The following ASIC2 variants were observed in gnomAD, a reference collection of about 807,000 sequenced individuals.
ASIC2 encodes the protein acid-sensing ion channel 2.
A neutral mutation model predicts 57.3 loss-of-function variants in ASIC2; 25 were observed. The observed-to-expected ratio is 0.44, with a 90% CI of 0.32 to 0.61. ASIC2 has a LOEUF of 0.61. Ranked by LOEUF, ASIC2 falls within the 20% of genes least tolerant of loss-of-function variation. ASIC2 has a pLI of 0.06. For synonymous variants in ASIC2, 319 were observed against 307.5 expected, an observed-to-expected ratio of 1.04 and a Z score of -0.39; for missense variants, 641 against 738.1, an observed-to-expected ratio of 0.87 and a Z score of 1.52.
chr17:34,037,189 C>G (rs1907921038), intron 1 of ASIC2: 1 of 155,522 alleles, frequency 6.4e-6, no homozygotes, highest in East Asian at 1.9e-4. Context: ...GGAGATGTTA[C>G]CTAAACTTTA....
At chr17:33,186,941 G>C (rs1156964664) in intron 1 of ASIC2, among the ~76,000 whole-genome samples, 1 of 152,112 alleles carries the variant, frequency 6.6e-6, no homozygotes, top group African/African-American at 2.4e-5. Flanking sequence ...TGTGATGTGC[G>C]ACGAAAAGTG....
intron 1 of ASIC2, among the ~76,000 whole-genome samples, chr17:33,181,239 T>C (rs1905972337): frequency 6.6e-6 from 1 of 152,174 alleles, no homozygotes; most frequent in African/African-American, 2.4e-5. Flanking sequence ...AGCACTTTGT[T>C]TTGTTGTGTG....
At chr17:33,390,254 A>C (rs534985605) in intron 1 of ASIC2, among the ~76,000 whole-genome samples, 1 of 152,194 alleles carries the variant, frequency 6.6e-6, no homozygotes, top group African/African-American at 2.4e-5. Context: ...CGGAGGTTGC[A>C]GTGAGCTGAG....
intron 1 of ASIC2, among the ~76,000 whole-genome samples, chr17:33,313,779 C>T (rs140249194): frequency 4.1e-4 from 63 of 152,034 alleles, no homozygotes; most frequent in Admixed American, 8.5e-4. Context: ...TGTTCCCTGG[C>T]GGAATCGAAG....
At chr17:33,813,899 T>C (rs1157137968) in intron 1 of ASIC2, among the ~76,000 whole-genome samples, 2 of 152,164 alleles carry the variant, frequency 1.3e-5, no homozygotes, top group African/African-American at 4.8e-5. Flanking sequence ...GTTGGTTTCC[T>C]GAGGTTGAAT....
chr17:33,354,565 C>T (rs1908304905), intron 1 of ASIC2, among the ~76,000 whole-genome samples: 1 of 152,044 alleles, frequency 6.6e-6, no homozygotes, highest in Admixed American at 6.5e-5. Context: ...TTCCTGCTTG[C>T]TCTCTGCTTT....
At chr17:34,136,028 T>C (rs537522678) in intron 1 of ASIC2, among the ~76,000 whole-genome samples, 15 of 152,136 alleles carry the variant, frequency 9.9e-5, no homozygotes, top group Admixed American at 7.8e-4. Context: ...CCTGAAAAAC[T>C]AGTTCAGGCT....
chr17:34,116,647 C>T (rs955502943), intron 1 of ASIC2, among the ~76,000 whole-genome samples: 11 of 152,140 alleles, frequency 7.2e-5, no homozygotes, highest in Non-Finnish European at 1.5e-4. Context: ...CTCTCTCTCT[C>T]CCTAGACCAC....
At chr17:33,841,666 T>C (rs900339284) in intron 1 of ASIC2, among the ~76,000 whole-genome samples, 1 of 152,158 alleles carries the variant, frequency 6.6e-6, no homozygotes, top group Non-Finnish European at 1.5e-5. Context: ...CTCCAGGGGT[T>C]ATCTTCAGGG....
intron 1 of ASIC2, among the ~76,000 whole-genome samples, chr17:34,127,031 C>A (rs1182128951): frequency 6.6e-6 from 1 of 152,090 alleles, no homozygotes; most frequent in Non-Finnish European, 1.5e-5. Flanking sequence ...GTGGGAGGGC[C>A]CATGGATAAG....
chr17:33,293,317 C>T (rs919675485), upstream of ASIC2, among the ~76,000 whole-genome samples: 1 of 152,084 alleles, frequency 6.6e-6, no homozygotes, highest in Non-Finnish European at 1.5e-5. Context: ...GCGGCGGCGG[C>T]CGTGAGCGCC....
At chr17:34,050,718 A>G (rs1408006637) in intron 1 of ASIC2, among the ~76,000 whole-genome samples, 1 of 152,244 alleles carries the variant, frequency 6.6e-6, no homozygotes, top group East Asian at 1.9e-4. Flanking sequence ...ACCACATAGG[A>G]GCATGTGTAA....
At chr17:33,308,004 T>C (rs1454714794) in intron 1 of ASIC2, among the ~76,000 whole-genome samples, 1 of 152,216 alleles carries the variant, frequency 6.6e-6, no homozygotes. Context: ...CTCAGTGCCA[T>C]AGGTTCTGCT....
At chr17:33,124,457 T>A (rs2092315689) in intron 1 of ASIC2, among the ~76,000 whole-genome samples, 1 of 152,246 alleles carries the variant, frequency 6.6e-6, no homozygotes, top group African/African-American at 2.4e-5. Context: ...GACTCACAAT[T>A]GTTTTCAGCC....
intron 1 of ASIC2, among the ~76,000 whole-genome samples, chr17:33,971,400 G>A (rs990693358): frequency 1.3e-5 from 2 of 152,112 alleles, no homozygotes; most frequent in African/African-American, 2.4e-5. Flanking sequence ...AAGTCTAAAG[G>A]CAACCAGGAG....
intron 1 of ASIC2, among the ~76,000 whole-genome samples, chr17:33,562,729 G>C (rs920417956): frequency 6.6e-6 from 1 of 151,726 alleles, no homozygotes; most frequent in Non-Finnish European, 1.5e-5. Context: ...GCCTCCAGAG[G>C]GTTGATATGT....
intron 1 of ASIC2, among the ~76,000 whole-genome samples, chr17:33,400,554 A>T (rs1910245835): frequency 6.6e-6 from 1 of 152,168 alleles, no homozygotes; most frequent in Non-Finnish European, 1.5e-5. Flanking sequence ...AGGGAGATTT[A>T]TGAGCCAGAA....
chr17:33,793,690 T>G (rs1041715931), intron 1 of ASIC2: 6 of 152,246 alleles, frequency 3.9e-5, no homozygotes, highest in Non-Finnish European at 8.8e-5. Flanking sequence ...GCTTCTACCA[T>G]GTGCCTGTTT....
At chr17:33,522,428 G>A (rs1914771420) in intron 1 of ASIC2, among the ~76,000 whole-genome samples, 1 of 152,208 alleles carries the variant, frequency 6.6e-6, no homozygotes, top group South Asian at 2.1e-4. Flanking sequence ...GGGGCCCTGA[G>A]GTGTCTTTGT....
Sources: allele counts gnomAD v4.1 joint callset (sites outside exome capture counted in the v4.1 genomes callset), GRCh38; gene constraint gnomAD v4.1.1; transcripts MANE v1.5; gene names NCBI Gene and HGNC (gene_info 2026-07-23, HGNC 2026-07-21).